Variants in GPR33 observed in about 807,000 individuals in gnomAD.
GPR33 encodes the protein G protein-coupled receptor 33, also known as probable G protein-coupled receptor 33.
Under a neutral mutation model 3.1 loss-of-function variants are expected in GPR33, and 4 were observed. The ratio of observed to expected loss-of-function variants is 1.29; its 90% CI spans 0.64 to 2.96. GPR33 has a LOEUF of 2.96. Ranked by LOEUF, GPR33 falls within the 30% of genes most tolerant of loss-of-function variation. GPR33 has a pLI of 0.01. For missense variants in GPR33, 390 were observed against 388.9 expected (o/e 1.00, Z -0.02); for synonymous variants, 138 against 142.0 (o/e 0.97, Z 0.20).
At position 31,483,977 on chromosome 14, in the gene GPR33, G is replaced by C; in HGVS notation, c.-6-6C>G. 1 of 1,496,726 alleles carries C rather than the reference G, an allele frequency of 6.7e-7. No individual in the cohort carries two copies. The highest frequency in any genetic ancestry group is 8.8e-7 in the Non-Finnish European group (1 of 1,130,270). The allele number at this position is 1,496,726 out of a possible 1,614,324, so 92.7% of individuals were successfully genotyped here. Reference sequence around the variant, plus strand: ...TTGATCAGATCCATAATGACCTGTGGAGTGAGAAACAGTGAAAATAACAAC... The same window carrying C: ...TTGATCAGATCCATAATGACCTGTGCAGTGAGAAACAGTGAAAATAACAAC... On this transcript the variant is annotated splice_polypyrimidine_tract_variant and splice_region_variant and intron_variant, in intron 1 of 1. Coordinates refer to ENST00000399285, the MANE Select transcript of GPR33 (RefSeq NM_001197184.3).
chr14:31,484,530 C>T (rs1566804133), intron 1 of GPR33, among the ~76,000 whole-genome samples: 2 of 152,136 alleles, frequency 1.3e-5, no homozygotes, highest in South Asian at 4.1e-4. Flanking sequence ...AAGTGATTTT[C>T]CCGCTTGGCC....
At chr14:31,486,541 G>A (rs1000410262) in intron 1 of GPR33, among the ~76,000 whole-genome samples, 8 of 152,174 alleles carry the variant, frequency 5.3e-5, no homozygotes, top group African/African-American at 1.9e-4. Flanking sequence ...GGAGTCTGAA[G>A]CATATGAAAT....
At chr14:31,486,552 G>C (rs898179965) in intron 1 of GPR33, among the ~76,000 whole-genome samples, 2 of 152,164 alleles carry the variant, frequency 1.3e-5, no homozygotes, top group African/African-American at 4.8e-5. Context: ...CATATGAAAT[G>C]GACAGGCAAT....
At chr14:31,485,089 C>T (rs972919208) in intron 1 of GPR33, among the ~76,000 whole-genome samples, 1 of 151,922 alleles carries the variant, frequency 6.6e-6, no homozygotes, top group African/African-American at 2.4e-5. Flanking sequence ...ACACTTGCCA[C>T]CACGCCCGGT....
chr14:31,487,685 G>A (rs570210777), intron 1 of GPR33, among the ~76,000 whole-genome samples: 16 of 151,886 alleles, frequency 1.1e-4, no homozygotes, highest in African/African-American at 3.1e-4. Context: ...TGATCTGCCC[G>A]CCTCAGCCTC....
intron 1 of GPR33, among the ~76,000 whole-genome samples, chr14:31,484,443 A>G (rs2032396761): frequency 6.6e-6 from 1 of 152,000 alleles, no homozygotes; most frequent in South Asian, 2.1e-4. Flanking sequence ...ACCAGGCCGG[A>G]TAATTTTTTT....
intron 1 of GPR33, among the ~76,000 whole-genome samples, chr14:31,487,008 T>G (rs1159823392): frequency 6.6e-6 from 1 of 152,192 alleles, no homozygotes; most frequent in Non-Finnish European, 1.5e-5. Flanking sequence ...AATGTGTGTA[T>G]GTGTAGTGTT....
Position 31,483,242 on chromosome 14 carries a change from T to C in GPR33, c.724A>G (p.Lys242Glu). The C allele has an allele frequency of 6.5e-7, 1 of 1,536,118 alleles. No homozygotes were observed. Among genetic ancestry groups the C allele is most frequent in the Non-Finnish European group, 8.7e-7 (1 of 1,146,914 alleles). ...VKERSLFKSS[K>E]PFKVMMTAII... is the part of the protein sequence containing the mutation. Reference sequence around the variant, plus strand: ...GCAGTCATCATAACTTTGAAGGGCTTGCTGGATTTAAACAGGCTCCTCTCT... The same window carrying C: ...GCAGTCATCATAACTTTGAAGGGCTCGCTGGATTTAAACAGGCTCCTCTCT... The change falls in exon 2 of 2, where the codon AAG (lysine) becomes GAG (glutamate). Residue 242 changes from lysine to glutamate, a missense_variant. Coordinates refer to ENST00000399285, the MANE Select transcript of GPR33 (RefSeq NM_001197184.3).
At position 31,483,270 on chromosome 14, in the gene GPR33, C is replaced by T. The variant is rs555653878; in HGVS notation, c.696G>A (p.Val232=). 113 of 1,536,172 alleles carry T rather than the reference C, an allele frequency of 7.4e-5. No individual in the cohort carries two copies. In the African/African-American group the frequency reaches 1.4e-3, roughly 20 times the overall value. ...TGGATTTAAACAGGCTCCTCTCTTT[C>T]ACCTTGCTGGCTACTCTTTCATAAC... is the stretch of plus-strand genomic sequence containing the variant. ...IFCYERVASK[V]KERSLFKSSK... The change falls in exon 2 of 2, where the codon GTG becomes GTA. Residue 232 remains valine (V), a synonymous_variant. Transcript: ENST00000399285.
chr14:31,485,097 G>A (rs559160550), intron 1 of GPR33, among the ~76,000 whole-genome samples: 23 of 151,826 alleles, frequency 1.5e-4, no homozygotes, highest in Non-Finnish European at 2.7e-4. Flanking sequence ...CACCACGCCC[G>A]GTGAATTTTT....
chr14:31,486,984 A>G (rs1367717842), intron 1 of GPR33, among the ~76,000 whole-genome samples: 3 of 151,548 alleles, frequency 2.0e-5, no homozygotes, highest in Admixed American at 6.6e-5. Context: ...TGGTCTTTGT[A>G]TGTTTTTCTG....
chr14:31,485,076 C>T (rs528850150), intron 1 of GPR33, among the ~76,000 whole-genome samples: 9 of 151,812 alleles, frequency 5.9e-5, no homozygotes, highest in Non-Finnish European at 1.3e-4. Context: ...GCTGGGATTA[C>T]AGACACTTGC....
intron 1 of GPR33, among the ~76,000 whole-genome samples, chr14:31,486,440 G>A (rs1303370389): frequency 2.0e-5 from 3 of 152,138 alleles, no homozygotes; most frequent in African/African-American, 2.4e-5. Context: ...AGTTAATTCT[G>A]CCTTCTAAGG....
rs2032376550 is a variant in GPR33, at chr14:31,482,999, TA to T, written c.966del (p.Phe322LeufsTer7). 6.5e-7 allele frequency: 1 copy of T among 1,529,074 alleles called. No homozygotes were observed. Among genetic ancestry groups the T allele is most frequent in the Non-Finnish European group, 8.7e-7 (1 of 1,144,894 alleles). The allele number at this position is 1,529,074 out of a possible 1,614,324, so 94.7% of individuals were successfully genotyped here. On this transcript the variant is annotated frameshift_variant, in exon 2 of 2. Coordinates refer to ENST00000399285, the MANE Select transcript of GPR33 (RefSeq NM_001197184.3). LOFTEE classifies it high-confidence loss of function. ...KSILALFEST[F>X]SEDSSVERTQ... ...GTCCTTTCTACAGAAGAATCTTCAC[TA>T]AATGTTGACTCAAACAGAGCAAGAA...
At position 31,483,065 on chromosome 14, in the gene GPR33, A is replaced by G; in HGVS notation, c.901T>C (p.Phe301Leu). Residue 301 changes from phenylalanine to leucine, a missense_variant, in exon 2 of 2, where the codon TTT (phenylalanine) becomes CTT (leucine). Phe to Leu is a conservative substitution (Grantham distance 22, BLOSUM62 0). Coordinates refer to ENST00000399285, the MANE Select transcript of GPR33 (RefSeq NM_001197184.3). ...NTIFSPTLYL[F>L]VGENFKKVFK... ...ACCTTTTTGAAATTCTCCCCAACAA[A>G]TAAGTAGAGTGTGGGAGAAAAGATA... 6.5e-7 allele frequency: 1 copy of G among 1,536,058 alleles called. No individual in the cohort carries two copies. Among genetic ancestry groups the G allele is most frequent in the Non-Finnish European group, 8.7e-7 (1 of 1,146,852 alleles).
intron 1 of GPR33, among the ~76,000 whole-genome samples, chr14:31,486,930 G>A (rs995186311): frequency 2.6e-5 from 4 of 151,988 alleles, no homozygotes; most frequent in Non-Finnish European, 4.4e-5. Context: ...CAGTGTATGT[G>A]TATCTCAGTG....
At chr14:31,484,920 T>G in intron 1 of GPR33, among the ~76,000 whole-genome samples, 1 of 151,676 alleles carries the variant, frequency 6.6e-6, no homozygotes, top group East Asian at 1.9e-4. Flanking sequence ...AAGAGGGAAG[T>G]GTATTGTAAG....
chr14:31,484,937 T>TC (rs2032401615), intron 1 of GPR33, among the ~76,000 whole-genome samples: 1 of 151,884 alleles, frequency 6.6e-6, no homozygotes, highest in Non-Finnish European at 1.5e-5. Context: ...TAAGATGTAG[T>TC]AATTTTTTTT....
intron 1 of GPR33, among the ~76,000 whole-genome samples, chr14:31,484,604 G>A (rs912298757): frequency 5.3e-5 from 8 of 152,106 alleles, no homozygotes; most frequent in East Asian, 1.9e-4. Flanking sequence ...CTACTTGGAC[G>A]TTAACCAGAA....
Sources: gnomAD v4.1 joint callset for allele counts (sites outside exome capture counted in the v4.1 genomes callset) on GRCh38, gnomAD v4.1.1 for gene constraint, MANE v1.5 for transcripts, NCBI Gene and HGNC (gene_info 2026-07-23, HGNC 2026-07-21) for gene names.